Variants in ARID5A observed in about 807,000 individuals in gnomAD.
The protein encoded by ARID5A is AT-rich interaction domain 5A.
In ARID5A, 14 loss-of-function variants were observed where a neutral mutation model predicts 30.5. The ratio of observed to expected loss-of-function variants is 0.46; its 90% CI spans 0.30 to 0.72. The LOEUF is 0.72. ARID5A is among the 30% of genes least tolerant of loss of function. The probability of loss-of-function intolerance (pLI) is 0.07; values close to 1 mark genes in which losing one functional copy is unlikely to be tolerated. For synonymous variants in ARID5A, 338 were observed against 340.4 expected, an observed-to-expected ratio of 0.99 and a Z score of 0.08; for missense variants, 669 against 786.2, an observed-to-expected ratio of 0.85 and a Z score of 1.78.
In ARID5A at chr2:96,539,629, C is replaced by G. The variant is rs1375825210; in HGVS notation, c.4+2799C>G. Among the ~76,000 whole-genome samples, 2 of 152,216 alleles carry G rather than the reference C, an allele frequency of 1.3e-5. No homozygotes were observed. The highest frequency in any genetic ancestry group is 4.8e-5 in the African/African-American group (2 of 41,436). On this transcript the variant is annotated intron_variant, in intron 1 of 6. Transcript: ENST00000357485. The surrounding 1 kb of genome is among the most constrained non-coding windows in gnomAD (Gnocchi z 4.7). Reference sequence around the variant, plus strand: ...TTCCTCAAGATTATGGAGATAACACCCCTTATTCAAAGATGGTGGGTCCTC... The same window carrying G: ...TTCCTCAAGATTATGGAGATAACACGCCTTATTCAAAGATGGTGGGTCCTC...
At chr2:96,546,448 G>T (rs1015602925) in intron 1 of ARID5A, among the ~76,000 whole-genome samples, 1 of 152,254 alleles carries the variant, frequency 6.6e-6, no homozygotes, top group Non-Finnish European at 1.5e-5. Flanking sequence ...AGCACATGGT[G>T]GTTCTTAGTA....
chr2:96,542,617 A>G (rs1218366625), intron 1 of ARID5A, among the ~76,000 whole-genome samples: 1 of 152,216 alleles, frequency 6.6e-6, no homozygotes, highest in Non-Finnish European at 1.5e-5. Context: ...CTTGGACCTT[A>G]AATCAGACTC....
At position 96,551,757 on chromosome 2, in the gene ARID5A, AC is replaced by A. The variant is rs2066050952; in HGVS notation, c.1233del (p.Lys412SerfsTer98). The A allele has an allele frequency of 2.0e-6, 3 of 1,528,652 alleles. No homozygotes were observed. Among genetic ancestry groups the A allele is most frequent in the Non-Finnish European group, 2.6e-6 (3 of 1,141,812 alleles). 94.7% of individuals were successfully genotyped at this position (1,528,652 alleles called of 1,614,324 possible). A position where few individuals can be genotyped will look rare whatever the true frequency, so the allele number is the denominator to read the frequency against. ...HKGGSRKGIL[Y>X]PKPKACWVSP... ...GGTGGCTCCAGAAAGGGCATCCTCT[AC>A]CCCAAGCCCAAAGCCTGCTGGGTGT... On this transcript the variant is annotated frameshift_variant, in exon 7 of 7. Coordinates refer to ENST00000357485, the MANE Select transcript of ARID5A (RefSeq NM_212481.3). LOFTEE classifies it low-confidence loss of function (END_TRUNC).
chr2:96,549,487 G>T lies in ARID5A; in HGVS notation c.259+28G>T. The T allele has an allele frequency of 6.2e-7, 1 of 1,605,732 alleles. No homozygotes were observed. Among genetic ancestry groups the T allele is most frequent in the Non-Finnish European group, 8.5e-7 (1 of 1,174,962 alleles). On this transcript the variant is annotated intron_variant, in intron 3 of 6. Coordinates refer to ENST00000357485, the MANE Select transcript of ARID5A (RefSeq NM_212481.3). The surrounding 1 kb of genome is among the most constrained non-coding windows in gnomAD (Gnocchi z 6.1). ...GCGTCCCTGGGGTGCAGGCAGGGAG[G>T]GGGGCCCAGCAGGGGACCCCGCCCA...
chr2:96,541,313 G>GC (rs1553395223), intron 1 of ARID5A, among the ~76,000 whole-genome samples: 3 of 151,158 alleles, frequency 2.0e-5, no homozygotes, highest in Non-Finnish European at 4.4e-5. Context: ...TTTTGTTTTT[G>GC]TTTTTTTTTA....
Position 96,547,512 on chromosome 2 carries a change from C to G in ARID5A, c.115C>G (p.Leu39Val). The G allele has an allele frequency of 6.2e-7, 1 of 1,613,936 alleles. No homozygotes were observed. Among genetic ancestry groups the G allele is most frequent in the Non-Finnish European group, 8.5e-7 (1 of 1,179,936 alleles). Residue 39 changes from leucine to valine, a missense_variant, in exon 2 of 7, where the codon CTG becomes GTG. This residue lies in a region of ARID5A where 56 missense variants were observed against 72.8 expected (regional missense o/e 0.77). Coordinates refer to ENST00000357485, the MANE Select transcript of ARID5A (RefSeq NM_212481.3). Reference sequence around the variant, plus strand: ...GAACGGAATCCAGAACCCCATCTCGCTGGAGGTGAGTTGACTCCCTCTGCT... The same window carrying G: ...GAACGGAATCCAGAACCCCATCTCGGTGGAGGTGAGTTGACTCCCTCTGCT... ...KQNGIQNPISLEDSPEAGGER... is the reference protein window; with the variant it reads ...KQNGIQNPISVEDSPEAGGER...
Position 96,549,784 on chromosome 2 carries a change from G to A in ARID5A, c.291G>A (p.Glu97=). The A allele has an allele frequency of 6.2e-7, 1 of 1,613,636 alleles. No individual in the cohort carries two copies. The highest frequency in any genetic ancestry group is 8.5e-7 in the Non-Finnish European group (1 of 1,179,840). ...INLWKIYKAV[E]KLGAYELVTG... is the part of the protein sequence containing the mutation. ...TGTGGAAGATCTACAAAGCAGTGGA[G>A]AAGCTGGGGGCCTATGAGCTGGTAA... Residue 97 remains glutamate, a synonymous_variant, in exon 4 of 7, where the codon GAG becomes GAA. Transcript: ENST00000357485. The surrounding 1 kb of genome is among the most constrained non-coding windows in gnomAD (Gnocchi z 6.1).
intron 1 of ARID5A, among the ~76,000 whole-genome samples, chr2:96,543,218 C>A (rs1230001168): frequency 6.6e-6 from 1 of 152,170 alleles, no homozygotes; most frequent in African/African-American, 2.4e-5. Flanking sequence ...TGTTTTGAAT[C>A]CTGGTCCCCC....
chr2:96,550,148 G>A lies in ARID5A; in HGVS notation c.313-40G>A. On this transcript the variant is annotated intron_variant, in intron 4 of 6. Transcript: ENST00000357485. The surrounding 1 kb of genome is among the most constrained non-coding windows in gnomAD (Gnocchi z 6.6). ...GAGCTGCAAGGACCCCGCCGCCAGG[G>A]GGCGCCCGCCGGCCGCGCCCTCACG... 1 of 1,531,398 alleles carries A rather than the reference G, an allele frequency of 6.5e-7. No individual in the cohort carries two copies. Among genetic ancestry groups the A allele is most frequent in the Non-Finnish European group, 8.8e-7 (1 of 1,142,152 alleles). 94.9% of individuals were successfully genotyped at this position (1,531,398 alleles called of 1,614,324 possible).
At position 96,550,242 on chromosome 2, in the gene ARID5A, G is replaced by C. The variant is rs2066006251; in HGVS notation, c.367G>C (p.Gly123Arg). Residue 123 changes from glycine to arginine, a missense_variant, in exon 5 of 7, where the codon GGC (glycine) becomes CGC (arginine). Around this residue, in one of 4 missense-constraint regions of ARID5A, gnomAD observed 64 missense variants for 119.7 expected, o/e 0.53. Transcript: ENST00000357485. The surrounding 1 kb of genome is among the most constrained non-coding windows in gnomAD (Gnocchi z 6.6). ...NVYDELGGSP[G>R]STSAATCTRR... ...GTACGACGAGCTGGGGGGCAGCCCA[G>C]GCAGCACCAGCGCGGCCACGTGCAC... The C allele has an allele frequency of 6.6e-7, 1 of 1,520,154 alleles. No individual in the cohort carries two copies. Among genetic ancestry groups the C allele is most frequent in the South Asian group, 1.2e-5 (1 of 81,230 alleles). 94.2% of individuals were successfully genotyped at this position (1,520,154 alleles called of 1,614,324 possible).
Position 96,537,880 on chromosome 2 carries a change from T to G in ARID5A, c.4+1050T>G, listed in dbSNP as rs952186300. On this transcript the variant is annotated intron_variant, in intron 1 of 6. Coordinates refer to ENST00000357485, the MANE Select transcript of ARID5A (RefSeq NM_212481.3). The surrounding 1 kb of genome is among the most constrained non-coding windows in gnomAD (Gnocchi z 4.8). ...GTCCAGTGTCCCTTTGTTTGCAGAG[T>G]CTTGGGCCAGTAAGGAGTGCTCCGC... is the stretch of plus-strand genomic sequence containing the variant. 1 of 985,142 alleles carries G rather than the reference T, an allele frequency of 1.0e-6. No homozygotes were observed. Among genetic ancestry groups the G allele is most frequent in the Non-Finnish European group, 1.2e-6 (1 of 829,944 alleles). The allele number at this position is 985,142 out of a possible 1,614,324, so 61.0% of individuals were successfully genotyped here.
At chr2:96,545,656 T>C (rs940593472) in intron 1 of ARID5A, among the ~76,000 whole-genome samples, 2 of 152,008 alleles carry the variant, frequency 1.3e-5, no homozygotes, top group African/African-American at 4.8e-5. Flanking sequence ...TGGAGAAGTC[T>C]TTCATGAAAG....
rs2066063812 is a variant in ARID5A at position 96,552,139 on chromosome 2, C to A, written c.1611C>A (p.His537Gln). Residue 537 changes from histidine to glutamine, a missense_variant, in exon 7 of 7, where the codon CAC becomes CAA. Physicochemically the swap from His to Gln is conservative, Grantham distance 24. This residue lies in a region of ARID5A where 548 missense variants were observed against 577.4 expected (regional missense o/e 0.95). Transcript: ENST00000357485. Reference protein sequence around the residue: ...SPLVIPAFPAHFLATAGPSPM... With the variant: ...SPLVIPAFPAQFLATAGPSPM... The stretch of plus-strand genomic sequence containing the variant: ...TGGTCATCCCGGCCTTCCCGGCCCA[C>A]TTCCTGGCCACCGCAGGCCCCTCGC... 1.1e-5 allele frequency: 17 copies of A among 1,612,792 alleles called. No homozygotes were observed. In the East Asian group the frequency reaches 3.8e-4, roughly 36 times the overall value.
chr2:96,542,125 A>G (rs899489428), intron 1 of ARID5A, among the ~76,000 whole-genome samples: 1 of 152,222 alleles, frequency 6.6e-6, no homozygotes, highest in Non-Finnish European at 1.5e-5. Flanking sequence ...TTTTACAAAT[A>G]TAACCCTGAT....
In ARID5A at chr2:96,550,354, GGGCCGGGTGGACTCTGCCC is replaced by G; in HGVS notation, c.410+72_410+90del. ...GGGGCTTTGGCCGACCTTGCCGGGA[GGGCCGGGTGGACTCTGCCC>G]GGAGCGGGCAGGGTATGCGCCGTCC... is the stretch of plus-strand genomic sequence containing the variant. On this transcript the variant is annotated intron_variant, in intron 5 of 6. Coordinates refer to ENST00000357485, the MANE Select transcript of ARID5A (RefSeq NM_212481.3). This position sits in a 1 kb window ranked among gnomAD's most constrained non-coding sequence, Gnocchi z 6.6. The G allele has an allele frequency of 7.0e-7, 1 of 1,423,806 alleles. No homozygotes were observed. The highest frequency in any genetic ancestry group is 1.5e-5 in the South Asian group (1 of 66,232). The allele number at this position is 1,423,806 out of a possible 1,614,324, so 88.2% of individuals were successfully genotyped here.
At chr2:96,547,600 A>G in intron 2 of ARID5A, 83 bp downstream of exon 2, 3 of 1,278,556 alleles carry the variant, frequency 2.3e-6, no homozygotes, top group Non-Finnish European at 3.3e-6. Flanking sequence ...GAACCTGGAC[A>G]CTCCCCAAGC....
rs1438704540 is a variant in ARID5A, at chr2:96,537,103, C to T, written c.4+273C>T. On this transcript the variant is annotated intron_variant, in intron 1 of 6. Transcript: ENST00000357485. This position sits in a 1 kb window ranked among gnomAD's most constrained non-coding sequence, Gnocchi z 4.8. ...AAAAAGTTTTGGCGGCCAGGGGCTT[C>T]CCGGGCGTTTATCTCGAAACTCTTT... 6.6e-6 allele frequency among the ~76,000 whole-genome samples: 1 copy of T among 152,182 alleles called. No individual in the cohort carries two copies. The highest frequency in any genetic ancestry group is 2.4e-5 in the African/African-American group (1 of 41,450).
intron 1 of ARID5A, among the ~76,000 whole-genome samples, chr2:96,544,697 T>C (rs2065897706): frequency 2.0e-5 from 3 of 152,236 alleles, no homozygotes; most frequent in Admixed American, 2.0e-4. Flanking sequence ...GCATGTTGTT[T>C]TCATGCCTAC....
Position 96,549,538 on chromosome 2 carries a change from ACT to A in ARID5A, c.259+82_259+83del. 6.4e-7 allele frequency: 1 copy of A among 1,564,132 alleles called. No homozygotes were observed. The highest frequency in any genetic ancestry group is 1.1e-5 in the South Asian group (1 of 87,794). On this transcript the variant is annotated intron_variant, in intron 3 of 6. Coordinates refer to ENST00000357485, the MANE Select transcript of ARID5A (RefSeq NM_212481.3). This position sits in a 1 kb window ranked among gnomAD's most constrained non-coding sequence, Gnocchi z 6.1. ...GGCAGGGCATCGGGCAGGCACTCCC[ACT>A]CTGGGTGACCCAGGTTGCAGATAGA...
Sources: allele counts gnomAD v4.1 joint callset (sites outside exome capture counted in the v4.1 genomes callset), GRCh38; gene constraint gnomAD v4.1.1; regional missense constraint gnomAD v4.1.1; non-coding constraint Gnocchi (gnomAD v3.1); transcripts MANE v1.5; gene names NCBI Gene and HGNC (gene_info 2026-07-23, HGNC 2026-07-21).